RPL26L1: variants seen among roughly 807,000 people sequenced by gnomAD.
RPL26L1 encodes the protein ribosomal protein L26 like 1.
In RPL26L1, 8 loss-of-function variants were observed where a neutral mutation model predicts 15.2. That is an observed-to-expected ratio of 0.53 (90% CI 0.31 to 0.95). The LOEUF is 0.95. Ranked by LOEUF, RPL26L1 falls within the 40% of genes least tolerant of loss-of-function variation. RPL26L1 has a pLI of 0.05. For missense variants in RPL26L1, 146 were observed against 190.9 expected (o/e 0.76, Z 1.39); for synonymous variants, 51 against 65.9 (o/e 0.77, Z 1.09).
chr5:172,966,947 C>T (rs1476236638), intron 2 of RPL26L1, among the ~76,000 whole-genome samples: 1 of 151,736 alleles, frequency 6.6e-6, no homozygotes. Flanking sequence ...CCTCCGCCTT[C>T]CAGGTTCAAG....
chr5:172,968,177 GTA>G (rs1036665277), intron 2 of RPL26L1, among the ~76,000 whole-genome samples: 2 of 151,480 alleles, frequency 1.3e-5, no homozygotes, highest in Non-Finnish European at 2.9e-5. Flanking sequence ...ACATATATAT[GTA>G]TATATATATA....
In RPL26L1 at chr5:172,969,692, T is replaced by A; in HGVS notation, c.*151T>A. ...ACTTTTGCAATTTTAAGTAATAATTTTATGAATAAAAATGGGAAATGCTTC... is the reference window on the plus strand; with the variant it reads ...ACTTTTGCAATTTTAAGTAATAATTATATGAATAAAAATGGGAAATGCTTC... On this transcript the variant is annotated 3_prime_UTR_variant, in exon 4 of 4. Transcript: ENST00000265100. 1 of 700,762 alleles carries A rather than the reference T, an allele frequency of 1.4e-6. No homozygotes were observed. Among genetic ancestry groups the A allele is most frequent in the Non-Finnish European group, 2.3e-6 (1 of 443,142 alleles). 43.4% of individuals were successfully genotyped at this position (700,762 alleles called of 1,614,324 possible).
intron 2 of RPL26L1, among the ~76,000 whole-genome samples, chr5:172,963,194 A>G (rs952905132): frequency 1.3e-5 from 2 of 151,982 alleles, no homozygotes; most frequent in African/African-American, 2.4e-5. Flanking sequence ...CCTGGCCAAC[A>G]TGGTGAAACC....
In RPL26L1 at chr5:172,959,949, C is replaced by T. The variant is rs553147276; in HGVS notation, c.76C>T (p.Arg26Cys). ...KRHFNAPSHV[R>C]RKIMSSPLSK... Reference sequence around the variant, plus strand: ...TCACTTCAATGCCCCCTCACACGTGCGCAGGAAGATCATGTCATCCCCGCT... The same window carrying T: ...TCACTTCAATGCCCCCTCACACGTGTGCAGGAAGATCATGTCATCCCCGCT... Residue 26 changes from arginine to cysteine, a missense_variant, in exon 2 of 4, where the codon CGC becomes TGC. By Grantham distance (180) the Arg-to-Cys change is radical. Coordinates refer to ENST00000265100, the MANE Select transcript of RPL26L1 (RefSeq NM_016093.4). The T allele has an allele frequency of 1.1e-5, 18 of 1,614,206 alleles. No homozygotes were observed. In the South Asian group the frequency reaches 1.9e-4, roughly 17 times the overall value.
chr5:172,955,129 G>GTTTTTTTTTTTTTTTTTTT (rs58150544), upstream of RPL26L1: 2 of 200,374 alleles, frequency 1.0e-5, no homozygotes, highest in Non-Finnish European at 1.9e-5. Flanking sequence ...GCTGTGGTTA[G>GTTTTTTTTTTTTTTTTTTT]TTTTTTTTTT....
At chr5:172,965,988 G>A (rs1165457945) in intron 2 of RPL26L1, among the ~76,000 whole-genome samples, 2 of 152,134 alleles carry the variant, frequency 1.3e-5, no homozygotes, top group African/African-American at 4.8e-5. Flanking sequence ...CCACCTGGTT[G>A]CCCAAGCCAG....
intron 2 of RPL26L1, among the ~76,000 whole-genome samples, chr5:172,964,561 C>T (rs961049228): frequency 6.6e-6 from 1 of 152,198 alleles, no homozygotes; most frequent in African/African-American, 2.4e-5. Flanking sequence ...GCTGGGATTA[C>T]AGGCGTGAGC....
chr5:172,963,913 TGGCCATCA>T (rs2113538144), intron 2 of RPL26L1, among the ~76,000 whole-genome samples: 1 of 152,300 alleles, frequency 6.6e-6, no homozygotes, highest in Non-Finnish European at 1.5e-5. Flanking sequence ...AACTGCTTAC[TGGCCATCA>T]GGCTAAGCTC....
At chr5:172,955,739 G>GC (rs1754952974), upstream of RPL26L1, 1 of 152,226 alleles carries the variant, frequency 6.6e-6, no homozygotes, top group Admixed American at 6.5e-5. Context: ...TGCATGCCAG[G>GC]CAAGAGTGAC....
At chr5:172,960,803 G>T (rs557868709) in intron 2 of RPL26L1, among the ~76,000 whole-genome samples, 1 of 151,606 alleles carries the variant, frequency 6.6e-6, no homozygotes, top group South Asian at 2.1e-4. Flanking sequence ...ACCAGAGATT[G>T]TTCTAGGACA....
intron 2 of RPL26L1, among the ~76,000 whole-genome samples, chr5:172,962,119 T>C (rs192263034): frequency 6.6e-6 from 1 of 152,360 alleles, no homozygotes; most frequent in Admixed American, 6.5e-5. Flanking sequence ...CTTGAACCTA[T>C]TTCCTGTCCA....
At chr5:172,969,253 G>A (rs1174019717) in intron 3 of RPL26L1, among the ~76,000 whole-genome samples, 160 bp from the exon 4 acceptor site, 1 of 152,086 alleles carries the variant, frequency 6.6e-6, no homozygotes, top group Non-Finnish European at 1.5e-5. Flanking sequence ...TTTTTCCTTT[G>A]TGTTCCTATT....
At chr5:172,958,843 G>A (rs533279454), upstream of RPL26L1, 232 of 184,196 alleles carry the variant, frequency 1.3e-3, no homozygotes, top group African/African-American at 5.2e-3. Flanking sequence ...CTGGATGAGA[G>A]GGGCGGGGTC....
At chr5:172,958,931 A>G (rs945300955), upstream of RPL26L1, 3 of 153,756 alleles carry the variant, frequency 2.0e-5, no homozygotes, top group African/African-American at 7.2e-5. Flanking sequence ...AGATAGAAAA[A>G]AGTAGAGGTA....
upstream of RPL26L1, among the ~76,000 whole-genome samples, chr5:172,956,359 T>C (rs918807683): frequency 2.6e-5 from 4 of 152,170 alleles, no homozygotes; most frequent in Non-Finnish European, 5.9e-5. Context: ...CTTTATGGGC[T>C]GCAAGATAAA....
intron 2 of RPL26L1, among the ~76,000 whole-genome samples, chr5:172,964,532 C>T (rs1023750222): frequency 2.0e-5 from 3 of 149,732 alleles, no homozygotes; most frequent in East Asian, 2.0e-4. Context: ...GTGATCCACC[C>T]GCCTCAGCCT....
chr5:172,958,713 C>A (rs1022381945), upstream of RPL26L1: 135 of 256,588 alleles, frequency 5.3e-4, 3 homozygotes, highest in Admixed American at 5.7e-3. Flanking sequence ...GGCCTCCAGG[C>A]AGTCTTCCAG....
At chr5:172,955,480 G>A (rs112973591), upstream of RPL26L1, 4,867 of 156,336 alleles carry the variant, frequency 0.031, 265 homozygotes, top group African/African-American at 0.11. Context: ...AATTCTTGCC[G>A]GAAACAATGT....
chr5:172,955,834 T>C (rs1414121440), upstream of RPL26L1: 1 of 152,232 alleles, frequency 6.6e-6, no homozygotes, highest in Non-Finnish European at 1.5e-5. Flanking sequence ...TAACTTGGCA[T>C]GGCCACACAG....
Sources: allele counts gnomAD v4.1 joint callset (sites outside exome capture counted in the v4.1 genomes callset), GRCh38; gene constraint gnomAD v4.1.1; transcripts MANE v1.5; gene names NCBI Gene and HGNC (gene_info 2026-07-23, HGNC 2026-07-21).